SGCZ: variants seen among roughly 807,000 people sequenced by gnomAD.
SGCZ encodes sarcoglycan zeta, also known as zeta-sarcoglycan.
A neutral mutation model predicts 41.3 loss-of-function variants in SGCZ; 40 were observed. The ratio of observed to expected loss-of-function variants is 0.97; its 90% CI spans 0.75 to 1.26. The LOEUF is 1.26. SGCZ is among the 50% of genes most tolerant of loss of function. SGCZ has a pLI of 0.00. For missense variants in SGCZ, 552 were observed against 369.8 expected, an observed-to-expected ratio of 1.49 and a Z score of -4.04; for synonymous variants, 206 against 137.5, an observed-to-expected ratio of 1.50 and a Z score of -3.49.
At chr8:15,162,834 T>C (rs187380995) in intron 1 of SGCZ, among the ~76,000 whole-genome samples, 5 of 152,324 alleles carry the variant, frequency 3.3e-5, no homozygotes, top group East Asian at 1.9e-4. Context: ...TGAAAGTTTA[T>C]AAACATTTCC....
chr8:14,644,486 T>G (rs1807141595), intron 1 of SGCZ, among the ~76,000 whole-genome samples: 1 of 144,188 alleles, frequency 6.9e-6, no homozygotes, highest in African/African-American at 2.6e-5. Flanking sequence ...GTCTTTACAG[T>G]TGTGCCAGCC....
At chr8:14,687,415 A>C (rs946028176) in intron 1 of SGCZ, among the ~76,000 whole-genome samples, 3 of 149,662 alleles carry the variant, frequency 2.0e-5, no homozygotes, top group Admixed American at 6.8e-5. Context: ...TCATTGTTCA[A>C]TTCCCACCTA....
chr8:14,918,762 A>C (rs951997569), intron 1 of SGCZ, among the ~76,000 whole-genome samples: 11 of 152,228 alleles, frequency 7.2e-5, no homozygotes, highest in African/African-American at 1.9e-4. Context: ...CTTCAGTTGA[A>C]GTTATCTTCA....
intron 1 of SGCZ, among the ~76,000 whole-genome samples, chr8:15,082,012 TTAAGAA>T (rs1466410577): frequency 2.0e-4 from 30 of 152,292 alleles, no homozygotes; most frequent in Non-Finnish European, 5.9e-5. Context: ...TGTAATTTTC[TTAAGAA>T]TAAGAACTGC....
intron 1 of SGCZ, among the ~76,000 whole-genome samples, chr8:14,986,084 T>C (rs1801816834): frequency 6.6e-6 from 1 of 152,068 alleles, no homozygotes; most frequent in Non-Finnish European, 1.5e-5. Context: ...ATATGAACAA[T>C]ATATACATGT....
At chr8:14,285,026 T>C (rs1170290466) in intron 3 of SGCZ, among the ~76,000 whole-genome samples, 2 of 152,174 alleles carry the variant, frequency 1.3e-5, no homozygotes, top group African/African-American at 4.8e-5. Context: ...CTCTTTTATA[T>C]TGGACAGATA....
chr8:14,611,023 A>T (rs764289384), intron 1 of SGCZ, among the ~76,000 whole-genome samples: 12 of 152,192 alleles, frequency 7.9e-5, no homozygotes, highest in Non-Finnish European at 1.2e-4. Context: ...TTTCATAATT[A>T]AAAAAGCAAG....
Position 15,131,232 on chromosome 8 carries a change from G to C in SGCZ, c.39+106353C>G, listed in dbSNP as rs577134877. On this transcript the variant is annotated intron_variant, in intron 1 of 7. Transcript: ENST00000382080. ...TCTCATGTGCTGTGGGAAGGGCCCA[G>C]TGGGAGATAACTGAACCATCAGGAT... Among the ~76,000 whole-genome samples, 6 of 152,314 alleles carry C rather than the reference G, an allele frequency of 3.9e-5. No individual in the cohort carries two copies. The South Asian group carries it at 1.2e-3, about 32-fold the overall frequency.
At chr8:14,578,670 A>C (rs550273407) in intron 1 of SGCZ, among the ~76,000 whole-genome samples, 1 of 152,326 alleles carries the variant, frequency 6.6e-6, no homozygotes, top group Admixed American at 6.5e-5. Context: ...AAATTCGGTG[A>C]TGAATAATAA....
intron 3 of SGCZ, among the ~76,000 whole-genome samples, chr8:14,245,326 C>CA (rs1000512573): frequency 2.6e-5 from 4 of 152,014 alleles, no homozygotes; most frequent in Admixed American, 6.6e-5. Context: ...ACAAACCTGA[C>CA]AAAAACAAGC....
At chr8:14,661,948 A>T (rs1807764880) in intron 1 of SGCZ, among the ~76,000 whole-genome samples, 1 of 152,194 alleles carries the variant, frequency 6.6e-6, no homozygotes, top group African/African-American at 2.4e-5. Context: ...ATACACAAGC[A>T]TTTTCAAATG....
In SGCZ at chr8:14,134,757, A is replaced by G. The variant is rs553134482; in HGVS notation, c.548-26522T>C. Among the ~76,000 whole-genome samples the G allele has an allele frequency of 5.9e-5, 9 of 152,074 alleles. No individual in the cohort carries two copies. The East Asian group carries it at 1.5e-3, about 26-fold the overall frequency. On this transcript the variant is annotated intron_variant, in intron 5 of 7. Coordinates refer to ENST00000382080, the MANE Select transcript of SGCZ (RefSeq NM_139167.4). Reference sequence around the variant, plus strand: ...CGTTTTCTCTGTGTCCTGATTTCACATTTCTGTTTTTTTAAATCAGGGTTT... The same window carrying G: ...CGTTTTCTCTGTGTCCTGATTTCACGTTTCTGTTTTTTTAAATCAGGGTTT...
chr8:15,200,513 T>C (rs1192875033), intron 1 of SGCZ, among the ~76,000 whole-genome samples: 3 of 151,984 alleles, frequency 2.0e-5, no homozygotes, highest in African/African-American at 7.3e-5. Context: ...GGGTAGGGGG[T>C]ACCATGGATA....
chr8:14,127,368 T>TG (rs1221490850), intron 5 of SGCZ, among the ~76,000 whole-genome samples: 1 of 152,168 alleles, frequency 6.6e-6, no homozygotes, highest in Non-Finnish European at 1.5e-5. Context: ...GACTGTGTTT[T>TG]GTCAGTGGCA....
intron 2 of SGCZ, among the ~76,000 whole-genome samples, chr8:14,477,971 T>G (rs80087557): frequency 0.012 from 1,821 of 152,334 alleles, 15 homozygotes; most frequent in Middle Eastern, 0.02. Context: ...AGGAATGAGT[T>G]GAAGACTTTA....
At chr8:14,813,383 G>A (rs995671260) in intron 1 of SGCZ, among the ~76,000 whole-genome samples, 4 of 152,108 alleles carry the variant, frequency 2.6e-5, no homozygotes, top group Non-Finnish European at 5.9e-5. Flanking sequence ...CAGACAAAAT[G>A]CAACCAAAAG....
chr8:14,238,898 T>C (rs1483005353), intron 3 of SGCZ, among the ~76,000 whole-genome samples: 4 of 152,036 alleles, frequency 2.6e-5, no homozygotes, highest in Non-Finnish European at 5.9e-5. Context: ...AATATACAAG[T>C]GCTTTCATAT....
At chr8:14,924,017 C>T (rs576546588) in intron 1 of SGCZ, among the ~76,000 whole-genome samples, 1 of 152,336 alleles carries the variant, frequency 6.6e-6, no homozygotes, top group Admixed American at 6.5e-5. Context: ...AGGACAGAGA[C>T]AGAGGGTAAA....
At chr8:14,101,867 A>G (rs1418052011) in intron 7 of SGCZ, among the ~76,000 whole-genome samples, 2 of 151,286 alleles carry the variant, frequency 1.3e-5, no homozygotes, top group Admixed American at 6.6e-5. Context: ...GGAAAAGTTT[A>G]AATTACACAA....
Sources: gnomAD v4.1 joint callset for allele counts (sites outside exome capture counted in the v4.1 genomes callset) on GRCh38, gnomAD v4.1.1 for gene constraint, MANE v1.5 for transcripts, NCBI Gene and HGNC (gene_info 2026-07-23, HGNC 2026-07-21) for gene names.